The following ARSG variants were observed in gnomAD, a reference collection of about 807,000 sequenced individuals.
ARSG encodes the protein arylsulfatase G.
ARSG carries 37 observed loss-of-function variants against 50.5 expected under a neutral mutation model. The ratio of observed to expected loss-of-function variants is 0.73; its 90% confidence interval spans 0.56 to 0.96. ARSG has a LOEUF of 0.96. Ranked by LOEUF, ARSG falls within the 50% of genes least tolerant of loss-of-function variation. The probability of loss-of-function intolerance (pLI) is 0.00; values close to 1 mark genes in which losing one functional copy is unlikely to be tolerated. For missense variants in ARSG, 629 were observed against 675.3 expected (o/e 0.93, Z 0.76); for synonymous variants, 225 against 254.6 (o/e 0.88, Z 1.11).
chr17:68,436,558 G>T, the ARSG span: 1 of 1,351,844 alleles, frequency 7.4e-7, no homozygotes, highest in Non-Finnish European at 1.0e-6. Context: ...TCTGAAAACA[G>T]TACAGCTACA....
intron 10 of ARSG, 88 bp downstream of exon 10, chr17:68,395,281 A>C: frequency 6.4e-7 from 1 of 1,560,522 alleles, no homozygotes; most frequent in Non-Finnish European, 8.7e-7. Flanking sequence ...AACCATCATC[A>C]GAAGATGGTC....
At chr17:68,424,075 G>A (rs1191674838), downstream of ARSG, among the ~76,000 whole-genome samples, 1 of 152,176 alleles carries the variant, frequency 6.6e-6, no homozygotes, top group Non-Finnish European at 1.5e-5. Flanking sequence ...TCTTGAGGGT[G>A]CAGAAGAACG....
At chr17:68,340,807 T>C (rs888266324) in intron 2 of ARSG, among the ~76,000 whole-genome samples, 7 of 152,144 alleles carry the variant, frequency 4.6e-5, no homozygotes, top group African/African-American at 1.7e-4. Flanking sequence ...GTATCCTCAT[T>C]GCCACAGGCG....
rs994884973 is a variant in ARSG at position 68,367,722 on chromosome 17, T to C, written c.705-826T>C. 6.6e-6 allele frequency among the ~76,000 whole-genome samples: 1 copy of C among 152,182 alleles called. No individual in the cohort carries two copies. The highest frequency in any genetic ancestry group is 2.4e-5 in the African/African-American group (1 of 41,442). On this transcript the variant is annotated intron_variant, in intron 6 of 11. Transcript: ENST00000621439. The surrounding 1 kb of genome is among the most constrained non-coding windows in gnomAD (Gnocchi z 4.5). ...TGATCTAGATGTTACCTGGTGGTCATATGTGTCCTTGAAATTCCTGTGATC... is the reference window on the plus strand; with the variant it reads ...TGATCTAGATGTTACCTGGTGGTCACATGTGTCCTTGAAATTCCTGTGATC...
chr17:68,324,999 C>T (rs2077445736), intron 2 of ARSG, among the ~76,000 whole-genome samples: 1 of 152,082 alleles, frequency 6.6e-6, no homozygotes, highest in Admixed American at 6.6e-5. Flanking sequence ...AGCTTGAGGG[C>T]AGGGATTTGT....
chr17:68,329,746 A>G lies in ARSG; in HGVS notation c.219-13858A>G, dbSNP rs908440524. Among the ~76,000 whole-genome samples, 4 of 152,290 alleles carry G rather than the reference A, an allele frequency of 2.6e-5. No individual in the cohort carries two copies. In the South Asian group the frequency reaches 6.2e-4, roughly 24 times the overall value. ...TCTAATCTTTTGGCTTCCCTGGGCC[A>G]TGTTGGAAGAAGAATTGTCTTGGGC... On this transcript the variant is annotated intron_variant, in intron 2 of 11. Coordinates refer to ENST00000621439, the MANE Select transcript of ARSG (RefSeq NM_001267727.2).
chr17:68,319,648 T>C (rs1240792133), intron 2 of ARSG, among the ~76,000 whole-genome samples: 1 of 152,176 alleles, frequency 6.6e-6, no homozygotes, highest in African/African-American at 2.4e-5. Context: ...GCCTCCCAAA[T>C]ACAGTCATTC....
At chr17:68,427,752 C>A in the ARSG span, among the ~76,000 whole-genome samples, 3 of 152,216 alleles carry the variant, frequency 2.0e-5, no homozygotes, top group Non-Finnish European at 2.9e-5. Context: ...GTCCTCTGCT[C>A]TTCCCAGTAC....
At chr17:68,339,235 T>G (rs555386298) in intron 2 of ARSG, among the ~76,000 whole-genome samples, 11 of 151,958 alleles carry the variant, frequency 7.2e-5, no homozygotes, top group African/African-American at 2.7e-4. Context: ...GAGGTGGAGG[T>G]TGCAGTGAGC....
At chr17:68,446,906 G>A in the ARSG span, among the ~76,000 whole-genome samples, 1 of 152,186 alleles carries the variant, frequency 6.6e-6, no homozygotes, top group African/African-American at 2.4e-5. Flanking sequence ...AAACGCAGAG[G>A]GAAACAGAGA....
At chr17:68,385,874 A>G (rs952580977) in intron 9 of ARSG, among the ~76,000 whole-genome samples, 2 of 152,258 alleles carry the variant, frequency 1.3e-5, no homozygotes, top group Middle Eastern at 3.4e-3. Context: ...GCCCCAAGAA[A>G]GGAGTCCAGA....
At chr17:68,309,152 G>A (rs1418405290) in intron 2 of ARSG, among the ~76,000 whole-genome samples, 1 of 152,242 alleles carries the variant, frequency 6.6e-6, no homozygotes, top group Non-Finnish European at 1.5e-5. Context: ...TGCTGGCCCG[G>A]GTTCTAAGCC....
chr17:68,427,763 A>G, the ARSG span, among the ~76,000 whole-genome samples: 1 of 152,168 alleles, frequency 6.6e-6, no homozygotes, highest in Admixed American at 6.5e-5. Flanking sequence ...TTCCCAGTAC[A>G]CACAGGTGAG....
chr17:68,387,634 A>G (rs1240999255), intron 9 of ARSG, among the ~76,000 whole-genome samples: 2 of 152,162 alleles, frequency 1.3e-5, no homozygotes, highest in Non-Finnish European at 2.9e-5. Flanking sequence ...CTATGATCCA[A>G]ATTCAAGACA....
chr17:68,305,862 G>T (rs2076585926), intron 1 of ARSG, among the ~76,000 whole-genome samples: 1 of 152,028 alleles, frequency 6.6e-6, no homozygotes, highest in Non-Finnish European at 1.5e-5. Context: ...TCACTTGAGA[G>T]GTCAGGAGTT....
chr17:68,447,434 T>C, the ARSG span, among the ~76,000 whole-genome samples: 1 of 152,228 alleles, frequency 6.6e-6, no homozygotes, highest in Non-Finnish European at 1.5e-5. Flanking sequence ...TAGGCTGGAA[T>C]GCAGCAGCGT....
At chr17:68,417,748 T>TTTTA (rs2082475451) in intron 11 of ARSG, among the ~76,000 whole-genome samples, 3 of 118,200 alleles carry the variant, frequency 2.5e-5, no homozygotes, top group African/African-American at 3.9e-5. Context: ...TTTTTTTTTT[T>TTTTA]TTTTTTTTTT....
the ARSG span, among the ~76,000 whole-genome samples, chr17:68,432,424 A>C: frequency 6.6e-6 from 1 of 152,194 alleles, no homozygotes; most frequent in Non-Finnish European, 1.5e-5. Flanking sequence ...TGTCATGCTG[A>C]GAAGAAGACC....
intron 1 of ARSG, among the ~76,000 whole-genome samples, chr17:68,297,235 G>A (rs887874954): frequency 6.6e-6 from 1 of 152,162 alleles, no homozygotes; most frequent in African/African-American, 2.4e-5. Flanking sequence ...CCCCTCACAC[G>A]CATCCTACAT....
Sources: allele counts gnomAD v4.1 joint callset (sites outside exome capture counted in the v4.1 genomes callset), GRCh38; gene constraint gnomAD v4.1.1; non-coding constraint Gnocchi (gnomAD v3.1); transcripts MANE v1.5; gene names NCBI Gene and HGNC (gene_info 2026-07-23, HGNC 2026-07-21).